FOXO1: variants seen among roughly 807,000 people sequenced by gnomAD.
The protein encoded by FOXO1 is forkhead box protein O1.
FOXO1 carries 6 observed loss-of-function variants against 44.1 expected under a neutral mutation model. The ratio of observed to expected loss-of-function variants is 0.14; its 90% CI spans 0.07 to 0.27. The LOEUF is 0.27. Ranked by LOEUF, FOXO1 falls within the 10% of genes least tolerant of loss-of-function variation. The probability of loss-of-function intolerance (pLI) is 1.00; values close to 1 mark genes in which losing one functional copy is unlikely to be tolerated. For missense variants in FOXO1, 737 were observed against 888.8 expected, an observed-to-expected ratio of 0.83 and a Z score of 2.17; for synonymous variants, 380 against 362.7, an observed-to-expected ratio of 1.05 and a Z score of -0.54.
In FOXO1 at chr13:40,608,137, C is replaced by T. The variant is rs142526488; in HGVS notation, c.631-47277G>A. Among the ~76,000 whole-genome samples, 636 of 152,290 alleles carry T rather than the reference C, an allele frequency of 4.2e-3. 3 individuals carry two copies. Among genetic ancestry groups the T allele is most frequent in the Non-Finnish European group, 6.2e-3 (422 of 68,020 alleles). On this transcript the variant is annotated intron_variant, in intron 1 of 2. Transcript: ENST00000379561. ...ATATAATCTCATAACCAAAAGCTAC[C>T]CTCAGCTGCTAACATTTTTAGCATT...
At chr13:40,578,571 A>T (rs1874845492) in intron 1 of FOXO1, among the ~76,000 whole-genome samples, 1 of 152,140 alleles carries the variant, frequency 6.6e-6, no homozygotes. Context: ...ATTTTCCTCT[A>T]ACCATTGAGG....
At chr13:40,587,448 T>A (rs1196958901) in intron 1 of FOXO1, among the ~76,000 whole-genome samples, 2 of 152,080 alleles carry the variant, frequency 1.3e-5, no homozygotes, top group African/African-American at 4.8e-5. Flanking sequence ...CCCCTTCAAA[T>A]ACAAATAAGA....
At chr13:40,664,456 G>A (rs550530917) in intron 1 of FOXO1, among the ~76,000 whole-genome samples, 1 of 151,856 alleles carries the variant, frequency 6.6e-6, no homozygotes, top group Non-Finnish European at 1.5e-5. Flanking sequence ...CTGCCCCCAC[G>A]CTAAGTCTCT....
intron 1 of FOXO1, among the ~76,000 whole-genome samples, chr13:40,578,471 C>G (rs926597501): frequency 1.3e-5 from 2 of 152,134 alleles, no homozygotes; most frequent in Admixed American, 6.5e-5. Context: ...ACTCCACCTT[C>G]GGGACAGTCT....
At chr13:40,637,272 G>A (rs1322743913) in intron 1 of FOXO1, among the ~76,000 whole-genome samples, 7 of 151,836 alleles carry the variant, frequency 4.6e-5, no homozygotes, top group East Asian at 1.9e-4. Context: ...GTGAAACCCC[G>A]TCTCTACTAA....
chr13:40,563,828 G>A (rs904963994), intron 1 of FOXO1, among the ~76,000 whole-genome samples: 4 of 152,190 alleles, frequency 2.6e-5, no homozygotes, highest in African/African-American at 9.7e-5. Flanking sequence ...CAGCCGAACC[G>A]AGTTCTTAAT....
chr13:40,571,460 C>T (rs575856125), intron 1 of FOXO1, among the ~76,000 whole-genome samples: 33 of 152,274 alleles, frequency 2.2e-4, no homozygotes, highest in African/African-American at 7.7e-4. Flanking sequence ...AGTTTTGATG[C>T]AGCCTGCAGT....
At chr13:40,572,408 T>TCTC (rs199767023) in intron 1 of FOXO1, among the ~76,000 whole-genome samples, 2 of 118,292 alleles carry the variant, frequency 1.7e-5, no homozygotes, top group Non-Finnish European at 1.7e-5. Context: ...TTATGTGTTT[T>TCTC]TTCTATTTTG....
intron 1 of FOXO1, among the ~76,000 whole-genome samples, chr13:40,656,780 T>A (rs775008854): frequency 1.3e-5 from 2 of 152,222 alleles, no homozygotes; most frequent in Admixed American, 6.5e-5. Flanking sequence ...ATGTCCTTTC[T>A]ACCTATACTT....
At chr13:40,638,824 A>G (rs1000589643) in intron 1 of FOXO1, among the ~76,000 whole-genome samples, 3 of 152,166 alleles carry the variant, frequency 2.0e-5, no homozygotes, top group Non-Finnish European at 4.4e-5. Flanking sequence ...AAGGCAGTAG[A>G]AACTTCAGAC....
intron 1 of FOXO1, among the ~76,000 whole-genome samples, chr13:40,636,112 G>A (rs1877140018): frequency 1.3e-5 from 2 of 152,262 alleles, no homozygotes; most frequent in South Asian, 4.1e-4. Flanking sequence ...CTACTTGGGA[G>A]GCGGAGGCAG....
At chr13:40,624,783 T>C (rs1876732916) in intron 1 of FOXO1, among the ~76,000 whole-genome samples, 1 of 152,264 alleles carries the variant, frequency 6.6e-6, no homozygotes, top group Non-Finnish European at 1.5e-5. Flanking sequence ...GAATTACAAT[T>C]TTCAAGGAGA....
Position 40,666,314 on chromosome 13 carries a change from G to A in FOXO1, c.-102C>T. ...GGCGCGAAGGGACGGTCCGAGATTT[G>A]GGGGAACGAAGCCGGTGCGGCGAGC... On this transcript the variant is annotated 5_prime_UTR_variant, in exon 1 of 3. Coordinates refer to ENST00000379561, the MANE Select transcript of FOXO1 (RefSeq NM_002015.4). 2 of 974,968 alleles carry A rather than the reference G, an allele frequency of 2.1e-6. No homozygotes were observed. The highest frequency in any genetic ancestry group is 5.2e-5 in the South Asian group (2 of 38,726). The allele number at this position is 974,968 out of a possible 1,614,324, so 60.4% of individuals were successfully genotyped here.
intron 1 of FOXO1, chr13:40,611,051 G>A (rs980208006): frequency 6.6e-6 from 3 of 456,084 alleles, no homozygotes; most frequent in African/African-American, 2.0e-5. Context: ...AACGTGAGGA[G>A]AAAAGTTGTA....
chr13:40,591,372 G>A (rs1472947474), intron 1 of FOXO1, among the ~76,000 whole-genome samples: 1 of 152,146 alleles, frequency 6.6e-6, no homozygotes, highest in African/African-American at 2.4e-5. Flanking sequence ...AAGAGGCAAG[G>A]CTCACAAAGA....
chr13:40,634,092 G>C (rs73467065), intron 1 of FOXO1, among the ~76,000 whole-genome samples: 105 of 152,316 alleles, frequency 6.9e-4, no homozygotes, highest in African/African-American at 2.4e-3. Flanking sequence ...ACTGACAACA[G>C]TTCTTCAACA....
chr13:40,658,185 C>T (rs1379977734), intron 1 of FOXO1, among the ~76,000 whole-genome samples: 4 of 152,172 alleles, frequency 2.6e-5, no homozygotes, highest in Non-Finnish European at 5.9e-5. Context: ...GCAAGATCTG[C>T]TGAATTTCAG....
chr13:40,662,102 C>A (rs1035254753), intron 1 of FOXO1, among the ~76,000 whole-genome samples: 3 of 130,408 alleles, frequency 2.3e-5, no homozygotes. Context: ...ACCTGGGAGG[C>A]GGAGGTTGCA....
At chr13:40,595,981 G>A (rs1194731126) in intron 1 of FOXO1, among the ~76,000 whole-genome samples, 3 of 141,776 alleles carry the variant, frequency 2.1e-5, no homozygotes, top group African/African-American at 7.9e-5. Flanking sequence ...TAGGAGTCAA[G>A]TCCAATAAAT....
Sources: allele counts gnomAD v4.1 joint callset (sites outside exome capture counted in the v4.1 genomes callset), GRCh38; gene constraint gnomAD v4.1.1; transcripts MANE v1.5; gene names NCBI Gene and HGNC (gene_info 2026-07-23, HGNC 2026-07-21).